Variants in PDGFC observed in about 807,000 individuals in gnomAD.
PDGFC encodes platelet-derived growth factor C.
Under a neutral mutation model 35.5 loss-of-function variants are expected in PDGFC, and 12 were observed. The ratio of observed to expected loss-of-function variants is 0.34; its 90% CI spans 0.22 to 0.55. PDGFC has a LOEUF of 0.55. Ranked by LOEUF, PDGFC falls within the 20% of genes least tolerant of loss-of-function variation. The pLI, the probability that PDGFC is intolerant of heterozygous loss-of-function variation, is 0.91. For missense variants in PDGFC, 322 were observed against 412.4 expected, an observed-to-expected ratio of 0.78 and a Z score of 1.90; for synonymous variants, 159 against 148.8, an observed-to-expected ratio of 1.07 and a Z score of -0.50.
At chr4:156,824,349 C>CACAT (rs1553967655) in intron 2 of PDGFC, among the ~76,000 whole-genome samples, 51 of 134,522 alleles carry the variant, frequency 3.8e-4, no homozygotes, top group East Asian at 2.1e-3. Context: ...CACACACACA[C>CACAT]ATATACACAC....
At chr4:156,770,129 A>G (rs1382014730) in intron 4 of PDGFC, 1 of 152,058 alleles carries the variant, frequency 6.6e-6, no homozygotes, top group Non-Finnish European at 1.5e-5. Context: ...ACCTGCTACA[A>G]TGTGAAAATT....
Position 156,825,575 on chromosome 4 carries a change from T to G in PDGFC, c.315-14558A>C, listed in dbSNP as rs1408860899. Among the ~76,000 whole-genome samples, 279 of 95,452 alleles carry G rather than the reference T, an allele frequency of 2.9e-3. 2 individuals carry two copies. Among genetic ancestry groups the G allele is most frequent in the South Asian group, 0.01 (29 of 2,876 alleles). 62.6% of individuals were successfully genotyped at this position (95,452 alleles called of 152,430 possible). On this transcript the variant is annotated intron_variant, in intron 2 of 5. Coordinates refer to ENST00000502773, the MANE Select transcript of PDGFC (RefSeq NM_016205.3). ...CAAATAATAATAATAATAATAATAA[T>G]AATAATAATAATAATAATAAGAAGA...
At chr4:156,809,025 T>C (rs1731851736) in intron 3 of PDGFC, among the ~76,000 whole-genome samples, 1 of 151,980 alleles carries the variant, frequency 6.6e-6, no homozygotes. Flanking sequence ...TCCTGTTTCT[T>C]CCAGTCCAAA....
At chr4:156,822,402 TAA>T (rs1159258919) in intron 2 of PDGFC, among the ~76,000 whole-genome samples, 1 of 120,602 alleles carries the variant, frequency 8.3e-6, no homozygotes, top group Admixed American at 8.0e-5. Flanking sequence ...ATTTAACCAA[TAA>T]AGTGTGAATA....
At chr4:156,884,840 ATG>A (rs1730336147) in intron 1 of PDGFC, among the ~76,000 whole-genome samples, 1 of 152,240 alleles carries the variant, frequency 6.6e-6, no homozygotes, top group Non-Finnish European at 1.5e-5. Context: ...ATTAATGAAT[ATG>A]TGACTCTACT....
At chr4:156,910,316 T>C (rs1173063528) in intron 1 of PDGFC, among the ~76,000 whole-genome samples, 1 of 152,180 alleles carries the variant, frequency 6.6e-6, no homozygotes, top group Non-Finnish European at 1.5e-5. Context: ...GTTTCATGAC[T>C]GTAGTACAAT....
intron 1 of PDGFC, among the ~76,000 whole-genome samples, chr4:156,945,392 A>T (rs1290969838): frequency 1.7e-5 from 2 of 117,620 alleles, no homozygotes; most frequent in Non-Finnish European, 3.7e-5. Flanking sequence ...TATATATATA[A>T]TCAGTAGGGA....
At chr4:156,847,406 T>A (rs1301840199) in intron 2 of PDGFC, among the ~76,000 whole-genome samples, 1 of 151,628 alleles carries the variant, frequency 6.6e-6, no homozygotes, top group Admixed American at 6.6e-5. Context: ...CAATCTAAAC[T>A]GGGGGGACAT....
At chr4:156,819,573 G>GA (rs1278401024) in intron 2 of PDGFC, among the ~76,000 whole-genome samples, 9 of 152,146 alleles carry the variant, frequency 5.9e-5, no homozygotes, top group South Asian at 4.1e-4. Flanking sequence ...CTACTGCTCA[G>GA]AAAAAAAGAT....
At chr4:156,792,859 T>C (rs924442116) in intron 3 of PDGFC, among the ~76,000 whole-genome samples, 6 of 152,138 alleles carry the variant, frequency 3.9e-5, no homozygotes, top group African/African-American at 1.4e-4. Context: ...CCTGAAAACT[T>C]AAAGATTTCC....
intron 1 of PDGFC, among the ~76,000 whole-genome samples, chr4:156,904,028 C>T (rs559658433): frequency 7.9e-5 from 12 of 152,146 alleles, no homozygotes; most frequent in Middle Eastern, 3.4e-3. Flanking sequence ...AAAACCACCA[C>T]AAAAAATACA....
chr4:156,913,632 A>T (rs1326208808), intron 1 of PDGFC, among the ~76,000 whole-genome samples: 3 of 151,914 alleles, frequency 2.0e-5, no homozygotes, highest in African/African-American at 7.3e-5. Flanking sequence ...AATTCCTAAG[A>T]CCCCAATAAA....
At chr4:156,932,532 G>A (rs1292091205) in intron 1 of PDGFC, among the ~76,000 whole-genome samples, 3 of 152,068 alleles carry the variant, frequency 2.0e-5, no homozygotes, top group African/African-American at 7.2e-5. Context: ...TTAAGAAAAT[G>A]TGGCACATAT....
At chr4:156,913,079 G>A (rs748132252) in intron 1 of PDGFC, among the ~76,000 whole-genome samples, 4 of 152,154 alleles carry the variant, frequency 2.6e-5, no homozygotes, top group Admixed American at 6.5e-5. Flanking sequence ...TTAAAAGTTG[G>A]TCTCTTGTTA....
chr4:156,952,233 A>G (rs1732101057), intron 1 of PDGFC, among the ~76,000 whole-genome samples: 1 of 151,884 alleles, frequency 6.6e-6, no homozygotes, highest in Admixed American at 6.6e-5. Context: ...ACAGTCAGAA[A>G]CAAAGAATTT....
chr4:156,912,261 G>C (rs1324323951), intron 1 of PDGFC, among the ~76,000 whole-genome samples: 1 of 152,110 alleles, frequency 6.6e-6, no homozygotes, highest in Admixed American at 6.6e-5. Context: ...TATTTCATTT[G>C]GCTGAGAGGA....
rs1440211522 is a variant in PDGFC at position 156,772,897 on chromosome 4, A to C, written c.496-4T>G. ...GACTCACAGCTTCTGTGAATTGCTG[A>C]AAGTAAAATGAATCCTGTGTTAACT... On this transcript the variant is annotated splice_polypyrimidine_tract_variant and splice_region_variant and intron_variant, in intron 3 of 5. Coordinates refer to ENST00000502773, the MANE Select transcript of PDGFC (RefSeq NM_016205.3). 6.2e-7 allele frequency: 1 copy of C among 1,602,000 alleles called. No individual in the cohort carries two copies. The highest frequency in any genetic ancestry group is 1.7e-5 in the Admixed American group (1 of 59,958).
At chr4:156,938,406 G>C (rs1310617180) in intron 1 of PDGFC, among the ~76,000 whole-genome samples, 1 of 152,014 alleles carries the variant, frequency 6.6e-6, no homozygotes, top group Non-Finnish European at 1.5e-5. Flanking sequence ...CATGACCAAT[G>C]GCTCTTGATC....
intron 3 of PDGFC, among the ~76,000 whole-genome samples, chr4:156,796,637 A>G (rs888541706): frequency 2.6e-5 from 4 of 151,136 alleles, no homozygotes; most frequent in African/African-American, 4.9e-5. Flanking sequence ...AATTTTTCCC[A>G]TTTATTTTCT....
Sources: gnomAD v4.1 joint callset for allele counts (sites outside exome capture counted in the v4.1 genomes callset) on GRCh38, gnomAD v4.1.1 for gene constraint, MANE v1.5 for transcripts, NCBI Gene and HGNC (gene_info 2026-07-23, HGNC 2026-07-21) for gene names.